CEP128: variants seen among roughly 807,000 people sequenced by gnomAD.
CEP128 encodes centrosomal protein 128kDa.
CEP128 carries 132 observed loss-of-function variants against 156.7 expected under a neutral mutation model. That is an observed-to-expected ratio of 0.84 (90% CI 0.73 to 0.97). CEP128 has a LOEUF of 0.97. CEP128 is among the 50% of genes least tolerant of loss of function. The probability of loss-of-function intolerance (pLI) is 0.00; values close to 1 mark genes in which losing one functional copy is unlikely to be tolerated. For missense variants in CEP128, 1,252 were observed against 1,281.9 expected (o/e 0.98, Z 0.36); for synonymous variants, 469 against 448.9 (o/e 1.04, Z -0.57).
intron 19 of CEP128, among the ~76,000 whole-genome samples, chr14:80,733,372 G>GTGTA (rs902180031): frequency 1.3e-5 from 2 of 150,866 alleles, no homozygotes; most frequent in African/African-American, 4.9e-5. Flanking sequence ...GTGTGTGTGT[G>GTGTA]TGTGTGTGTG....
intron 23 of CEP128, among the ~76,000 whole-genome samples, chr14:80,516,676 G>A (rs1476267564): frequency 2.0e-5 from 3 of 152,118 alleles, no homozygotes. Context: ...CCCTCCATGG[G>A]CATGACTAAA....
chr14:80,477,628 T>G (rs781727460), exon 15 of CEP128: 1 of 152,218 alleles, frequency 6.6e-6, no homozygotes, highest in African/African-American at 2.4e-5. Flanking sequence ...CCACACACCA[T>G]GGAAAGCTTA....
chr14:80,659,166 A>C (rs1895293932), intron 19 of CEP128, among the ~76,000 whole-genome samples: 1 of 152,214 alleles, frequency 6.6e-6, no homozygotes, highest in African/African-American at 2.4e-5. Flanking sequence ...TTGCTAATTA[A>C]GATAAAATTG....
At chr14:80,832,620 A>T (rs1885867159) in intron 12 of CEP128, among the ~76,000 whole-genome samples, 1 of 152,224 alleles carries the variant, frequency 6.6e-6, no homozygotes, top group Non-Finnish European at 1.5e-5. Context: ...GAGGAACTAA[A>T]GTAGGAAGAA....
chr14:80,593,246 T>TA (rs988445525), intron 19 of CEP128, among the ~76,000 whole-genome samples: 8 of 151,810 alleles, frequency 5.3e-5, no homozygotes, highest in African/African-American at 1.7e-4. Context: ...ATTGTTTATT[T>TA]AAAAAAAACC....
chr14:80,561,034 A>C (rs1474390560), intron 20 of CEP128, among the ~76,000 whole-genome samples: 1 of 152,192 alleles, frequency 6.6e-6, no homozygotes. Flanking sequence ...GACCTATGAC[A>C]CTTAGAAGCA....
intron 2 of CEP128, among the ~76,000 whole-genome samples, chr14:80,932,065 T>C (rs551910663): frequency 1.3e-5 from 2 of 152,300 alleles, no homozygotes; most frequent in South Asian, 2.1e-4. Flanking sequence ...TCTCACAAGA[T>C]CTGATGGTTT....
At chr14:80,682,386 C>A (rs1896358451) in intron 19 of CEP128, among the ~76,000 whole-genome samples, 1 of 151,938 alleles carries the variant, frequency 6.6e-6, no homozygotes, top group Non-Finnish European at 1.5e-5. Context: ...CCCAGTCAGA[C>A]AAACATAAGG....
At chr14:80,590,418 G>T (rs1892002622) in intron 19 of CEP128, among the ~76,000 whole-genome samples, 1 of 151,932 alleles carries the variant, frequency 6.6e-6, no homozygotes, top group Non-Finnish European at 1.5e-5. Flanking sequence ...ATGCTCATTA[G>T]AAACCACACA....
intron 8 of CEP128, among the ~76,000 whole-genome samples, chr14:80,870,396 A>G (rs1037216801): frequency 2.0e-5 from 3 of 152,054 alleles, no homozygotes; most frequent in Non-Finnish European, 4.4e-5. Context: ...TACACCAATC[A>G]TTACACCATG....
chr14:80,848,283 C>A (rs1886708355), intron 9 of CEP128, among the ~76,000 whole-genome samples: 1 of 152,096 alleles, frequency 6.6e-6, no homozygotes, highest in African/African-American at 2.4e-5. Flanking sequence ...TGCAAATGCC[C>A]AGGAGCAGGA....
intron 13 of CEP128, among the ~76,000 whole-genome samples, chr14:80,797,646 A>G (rs1883568114): frequency 6.6e-6 from 1 of 152,150 alleles, no homozygotes; most frequent in Non-Finnish European, 1.5e-5. Context: ...ACTGTAATAA[A>G]TATTTATCCC....
At chr14:80,817,604 C>T (rs117898136) in intron 13 of CEP128, among the ~76,000 whole-genome samples, 7,314 of 152,044 alleles carry the variant, frequency 0.048, 200 homozygotes, top group Middle Eastern at 0.061. Flanking sequence ...TACTTGAGGC[C>T]GGGCGCAGTG....
chr14:80,677,508 C>CAAAAAAAAAAAAAAAAAAAAAAAAATAA (rs57636757), intron 19 of CEP128, among the ~76,000 whole-genome samples: 1 of 94,062 alleles, frequency 1.1e-5, no homozygotes, highest in Non-Finnish European at 2.1e-5. Context: ...GACTCCGTCT[C>CAAAAAAAAAAAAAAAAAAAAAAAAATAA]AAAAAAAAAA....
chr14:80,839,996 C>T (rs1360835987), intron 10 of CEP128, among the ~76,000 whole-genome samples: 1 of 152,038 alleles, frequency 6.6e-6, no homozygotes, highest in Non-Finnish European at 1.5e-5. Context: ...ACTTCGCTTA[C>T]CCTAAAAGCA....
At chr14:80,506,378 G>A (rs1163610444) in intron 23 of CEP128, among the ~76,000 whole-genome samples, 4 of 143,510 alleles carry the variant, frequency 2.8e-5, no homozygotes, top group Non-Finnish European at 4.5e-5. Flanking sequence ...GCAATCAGGA[G>A]TTTAAAGGAG....
chr14:80,596,417 A>C (rs996809740), intron 19 of CEP128, among the ~76,000 whole-genome samples: 14 of 152,172 alleles, frequency 9.2e-5, no homozygotes, highest in Non-Finnish European at 1.6e-4. Flanking sequence ...TAAATATAAC[A>C]AAAAAACCTA....
chr14:80,821,949 G>A (rs1476622022), intron 13 of CEP128, among the ~76,000 whole-genome samples: 1 of 107,604 alleles, frequency 9.3e-6, no homozygotes, highest in Non-Finnish European at 2.0e-5. Context: ...ACAAGAGAAA[G>A]GAGCTTGTGC....
intron 19 of CEP128, among the ~76,000 whole-genome samples, chr14:80,685,336 T>G (rs948941547): frequency 6.6e-6 from 1 of 151,288 alleles, no homozygotes; most frequent in African/African-American, 2.4e-5. Context: ...AAGAACCTAA[T>G]CCCATTTACA....
Sources: gnomAD v4.1 joint callset for allele counts (sites outside exome capture counted in the v4.1 genomes callset) on GRCh38, gnomAD v4.1.1 for gene constraint, MANE v1.5 for transcripts, NCBI Gene and HGNC (gene_info 2026-07-23, HGNC 2026-07-21) for gene names.